MYO6: variants seen among roughly 807,000 people sequenced by gnomAD.
MYO6 encodes myosin VI.
A neutral mutation model predicts 178.7 loss-of-function variants in MYO6; 74 were observed. That is an observed-to-expected ratio of 0.41 (90% CI 0.34 to 0.50). The LOEUF (loss-of-function observed/expected upper bound fraction) is 0.50, where lower values mean the gene tolerates loss of function less well. Among genes scored for constraint, MYO6 ranks in the 20% least tolerant of loss-of-function variants. The probability of loss-of-function intolerance (pLI) is 0.09; values close to 1 mark genes in which losing one functional copy is unlikely to be tolerated. For synonymous variants in MYO6, 477 were observed against 504.6 expected, an observed-to-expected ratio of 0.95 and a Z score of 0.73; for missense variants, 1,330 against 1,547.4, an observed-to-expected ratio of 0.86 and a Z score of 2.36.
At chr6:75,805,021 A>ATATTT (rs1252912172) in intron 1 of MYO6, among the ~76,000 whole-genome samples, 4 of 77,278 alleles carry the variant, frequency 5.2e-5, no homozygotes, top group African/African-American at 4.1e-4. Flanking sequence ...ATATATATAT[A>ATATTT]TTTTTTTTTT....
chr6:75,759,133 G>C (rs1777733558), intron 1 of MYO6, among the ~76,000 whole-genome samples: 1 of 152,260 alleles, frequency 6.6e-6, no homozygotes, highest in East Asian at 1.9e-4. Flanking sequence ...GTCTCCCAAA[G>C]TGCTGGGATT....
chr6:75,904,151 G>A (rs1333758666), intron 30 of MYO6, among the ~76,000 whole-genome samples: 1 of 151,050 alleles, frequency 6.6e-6, no homozygotes, highest in African/African-American at 2.4e-5. Flanking sequence ...CTCTCTGGCT[G>A]CCCTTAACAT....
intron 7 of MYO6, among the ~76,000 whole-genome samples, chr6:75,839,334 A>C (rs6453842): frequency 1.3e-5 from 2 of 152,064 alleles, no homozygotes; most frequent in East Asian, 3.9e-4. Context: ...GACTACAGGC[A>C]CCTGCCACCA....
chr6:75,791,839 A>G (rs1038110410), intron 1 of MYO6, among the ~76,000 whole-genome samples: 9 of 152,246 alleles, frequency 5.9e-5, no homozygotes, highest in Middle Eastern at 3.2e-3. Context: ...GGCTTTCAGC[A>G]ATATATATTA....
chr6:75,842,805 C>T (rs1458373005), intron 9 of MYO6, among the ~76,000 whole-genome samples: 1 of 152,072 alleles, frequency 6.6e-6, no homozygotes, highest in East Asian at 1.9e-4. Flanking sequence ...CTGTTCTGGC[C>T]TTAATCTAGC....
At chr6:75,850,775 G>A (rs1427721997) in intron 11 of MYO6, among the ~76,000 whole-genome samples, 1 of 152,114 alleles carries the variant, frequency 6.6e-6, no homozygotes, top group Admixed American at 6.5e-5. Flanking sequence ...GTTGTAAAGA[G>A]GAATACGCGA....
At chr6:75,798,751 C>G (rs1469468051) in intron 1 of MYO6, among the ~76,000 whole-genome samples, 1 of 152,116 alleles carries the variant, frequency 6.6e-6, no homozygotes, top group African/African-American at 2.4e-5. Flanking sequence ...TCTGGAAGTC[C>G]TAGCCAGAGC....
rs61739689 is a variant in MYO6 at position 75,892,674 on chromosome 6, G to C, written c.3091G>C (p.Asp1031His). The C allele has an allele frequency of 6.2e-7, 1 of 1,612,298 alleles. No individual in the cohort carries two copies. Among genetic ancestry groups the C allele is most frequent in the Non-Finnish European group, 8.5e-7 (1 of 1,179,988 alleles). ...GCTCATCAGTGATGAGGCCCAGGCCGACCTGGCGCTGCGGAGGTACTGGGG... is the reference window on the plus strand; with the variant it reads ...GCTCATCAGTGATGAGGCCCAGGCCCACCTGGCGCTGCGGAGGTACTGGGG... ...AELISDEAQA[D>H]LALRRNDGTR... The change falls in exon 28 of 35, where the codon GAC (aspartate) becomes CAC (histidine). Residue 1031 changes from aspartate to histidine, a missense_variant. Asp to His is a moderately conservative substitution (Grantham distance 81). This residue lies in a region of MYO6 where 601 missense variants were observed against 626.1 expected (regional missense o/e 0.96). Transcript: ENST00000369977.
intron 1 of MYO6, among the ~76,000 whole-genome samples, chr6:75,757,948 A>G (rs1475266601): frequency 8.2e-6 from 1 of 121,598 alleles, no homozygotes; most frequent in Admixed American, 8.4e-5. Flanking sequence ...TATATTAGTG[A>G]TTTGGTTGGA....
Position 75,840,991 on chromosome 6 carries a change from G to A in MYO6, c.652-223G>A, listed in dbSNP as rs112510570. Among the ~76,000 whole-genome samples, 465 of 152,270 alleles carry A rather than the reference G, an allele frequency of 3.1e-3. 5 individuals are homozygous for A. Among genetic ancestry groups the A allele is most frequent in the African/African-American group, 0.011 (442 of 41,566 alleles). On this transcript the variant is annotated intron_variant, in intron 8 of 34. Coordinates refer to ENST00000369977, the MANE Select transcript of MYO6 (RefSeq NM_004999.4). ...TCTTAGGAGGCTCAAAACTTAACAGGATTTGGGTAGAGACTTAAATGGGGA... is the reference window on the plus strand; with the variant it reads ...TCTTAGGAGGCTCAAAACTTAACAGAATTTGGGTAGAGACTTAAATGGGGA...
At chr6:75,810,870 A>C (rs1229007902) in intron 1 of MYO6, among the ~76,000 whole-genome samples, 9 of 152,158 alleles carry the variant, frequency 5.9e-5, no homozygotes, top group African/African-American at 2.2e-4. Flanking sequence ...GGCCAGGTGC[A>C]GTGGCTTATG....
At chr6:75,867,893 G>T (rs1236524371) in intron 18 of MYO6, among the ~76,000 whole-genome samples, 1 of 152,082 alleles carries the variant, frequency 6.6e-6, no homozygotes, top group East Asian at 1.9e-4. Context: ...TAAAATTTGT[G>T]AAGTTATGAG....
chr6:75,851,868 A>G (rs969539295), intron 11 of MYO6, among the ~76,000 whole-genome samples: 5 of 152,074 alleles, frequency 3.3e-5, no homozygotes, highest in African/African-American at 1.2e-4. Flanking sequence ...TAATTATTCT[A>G]CTGGAAAGAT....
At chr6:75,836,035 C>A in intron 7 of MYO6, 79 bp downstream of exon 7, 1 of 961,792 alleles carries the variant, frequency 1.0e-6, no homozygotes, top group Non-Finnish European at 1.7e-6. Flanking sequence ...GAATGTTCTT[C>A]TCTCAGAGAT....
In MYO6 at chr6:75,866,810, G is replaced by T. The variant is rs6453845; in HGVS notation, c.1771-122G>T. 0.82 allele frequency: 931,360 copies of T among 1,132,354 alleles called. 389,817 individuals are homozygous for T. The highest frequency in any genetic ancestry group is 0.86 in the Non-Finnish European group (653,764 of 757,288). The allele number at this position is 1,132,354 out of a possible 1,614,324, so 70.1% of individuals were successfully genotyped here. On this transcript the variant is annotated intron_variant, in intron 17 of 34. Coordinates refer to ENST00000369977, the MANE Select transcript of MYO6 (RefSeq NM_004999.4). The stretch of plus-strand genomic sequence containing the variant: ...AGTGTCCACACTGACTAGTGGTGAC[G>T]GCGTTGGACAGTGCAGATACAGAAC...
At chr6:75,876,529 C>T (rs1037467150) in intron 20 of MYO6, among the ~76,000 whole-genome samples, 2 of 152,060 alleles carry the variant, frequency 1.3e-5, no homozygotes, top group African/African-American at 4.8e-5. Flanking sequence ...CCATTTTTTT[C>T]CCCATTGGAA....
At chr6:75,806,987 A>C (rs1327334206) in intron 1 of MYO6, among the ~76,000 whole-genome samples, 5 of 152,166 alleles carry the variant, frequency 3.3e-5, no homozygotes, top group Admixed American at 2.0e-4. Context: ...GTCTCAGCAC[A>C]GATAAAAAAC....
rs1781121972 is a variant in MYO6 at position 75,916,397 on chromosome 6, C to T, written c.*1385C>T. 1 of 152,590 alleles carries T rather than the reference C, an allele frequency of 6.6e-6. No homozygotes were observed. The highest frequency in any genetic ancestry group is 1.5e-5 in the Non-Finnish European group (1 of 68,030). The allele number at this position is 152,590 out of a possible 1,614,324, so 9.5% of individuals were successfully genotyped here. A position where few individuals can be genotyped will look rare whatever the true frequency, so the allele number is the denominator to read the frequency against. On this transcript the variant is annotated 3_prime_UTR_variant, in exon 35 of 35. Coordinates refer to ENST00000369977, the MANE Select transcript of MYO6 (RefSeq NM_004999.4). The stretch of plus-strand genomic sequence containing the variant: ...ACACTGTCTTCAGAATTGCTTCTCT[C>T]ATGTCTTAGTAGAGAAATATTTATT...
At chr6:75,905,453 A>G (rs1380379038) in intron 30 of MYO6, among the ~76,000 whole-genome samples, 1 of 152,234 alleles carries the variant, frequency 6.6e-6, no homozygotes, top group Non-Finnish European at 1.5e-5. Flanking sequence ...GGAAAAGCGC[A>G]GTATTCGGGT....
Sources: allele counts gnomAD v4.1 joint callset (sites outside exome capture counted in the v4.1 genomes callset), GRCh38; gene constraint gnomAD v4.1.1; regional missense constraint gnomAD v4.1.1; transcripts MANE v1.5; gene names NCBI Gene and HGNC (gene_info 2026-07-23, HGNC 2026-07-21).